The following PKIA variants were observed in gnomAD, a reference collection of about 807,000 sequenced individuals.
The protein encoded by PKIA is PKI-alpha.
In PKIA, 4 loss-of-function variants were observed where a neutral mutation model predicts 7.6. The observed-to-expected ratio is 0.52, with a 90% CI of 0.26 to 1.20. The LOEUF is 1.20. Ranked by LOEUF, PKIA falls within the 50% of genes most tolerant of loss-of-function variation. PKIA has a pLI of 0.13. For missense variants in PKIA, 73 were observed against 86.2 expected (o/e 0.85, Z 0.61); for synonymous variants, 21 against 30.7 (o/e 0.68, Z 1.04).
chr8:78,559,162 T>C (rs1807223580), intron 1 of PKIA, among the ~76,000 whole-genome samples: 2 of 152,168 alleles, frequency 1.3e-5, no homozygotes, highest in Admixed American at 1.3e-4. Flanking sequence ...CCTCAGGTGA[T>C]CCACCCGCCT....
Position 78,598,514 on chromosome 8 carries a change from G to C in PKIA, c.130G>C (p.Gly44Arg), listed in dbSNP as rs1309067245. 1 of 1,610,126 alleles carries C rather than the reference G, an allele frequency of 6.2e-7. No homozygotes were observed. The highest frequency in any genetic ancestry group is 8.5e-7 in the Non-Finnish European group (1 of 1,177,538). ...NSNELALKLA[G>R]LDINKTEGEE... ...CAATGAATTAGCCTTGAAATTAGCA[G>C]GTCTTGATATCAACAAGACAGGTAA... Residue 44 changes from glycine to arginine, a missense_variant, in exon 3 of 4, where the codon GGT becomes CGT. Physicochemically the swap from Gly to Arg is moderately radical, Grantham distance 125 (BLOSUM62 -2). Transcript: ENST00000396418.
intron 2 of PKIA, among the ~76,000 whole-genome samples, chr8:78,591,966 G>T (rs1808108272): frequency 6.6e-6 from 1 of 152,022 alleles, no homozygotes; most frequent in South Asian, 2.1e-4. Context: ...TTGTAATTTT[G>T]GGGGGTGAAT....
intron 3 of PKIA, among the ~76,000 whole-genome samples, chr8:78,600,979 A>T (rs1039501835): frequency 6.6e-6 from 1 of 152,126 alleles, no homozygotes; most frequent in Admixed American, 6.6e-5. Flanking sequence ...TGGCTGCCTG[A>T]TAACAAAATA....
At chr8:78,553,212 T>C (rs772550302) in intron 1 of PKIA, among the ~76,000 whole-genome samples, 1 of 151,870 alleles carries the variant, frequency 6.6e-6, no homozygotes, top group Non-Finnish European at 1.5e-5. Flanking sequence ...TTAGTAATAA[T>C]GGAAACAAAT....
At chr8:78,575,968 C>T (rs1807664873) in intron 2 of PKIA, among the ~76,000 whole-genome samples, 1 of 151,992 alleles carries the variant, frequency 6.6e-6, no homozygotes, top group South Asian at 2.1e-4. Context: ...CTCTCCTTTA[C>T]TTGAAGACTA....
At chr8:78,540,006 T>C (rs1806636109) in intron 1 of PKIA, among the ~76,000 whole-genome samples, 3 of 151,816 alleles carry the variant, frequency 2.0e-5, no homozygotes, top group Admixed American at 6.6e-5. Context: ...TCATAGTTCA[T>C]TGGGGTCAAG....
At chr8:78,566,521 A>G (rs553921480) in intron 1 of PKIA, among the ~76,000 whole-genome samples, 2 of 152,160 alleles carry the variant, frequency 1.3e-5, no homozygotes, top group East Asian at 1.9e-4. Flanking sequence ...AAAGTAATAC[A>G]AATGCCAGTA....
intron 1 of PKIA, among the ~76,000 whole-genome samples, chr8:78,548,675 CA>C (rs1806898036): frequency 6.6e-6 from 1 of 152,022 alleles, no homozygotes; most frequent in Admixed American, 6.6e-5. Context: ...TTTCTGGAGA[CA>C]AATAGGCCTG....
At chr8:78,523,980 TTATAAATATATATAAACATTTATA>T (rs1372950987) in intron 1 of PKIA, among the ~76,000 whole-genome samples, 2 of 88,428 alleles carry the variant, frequency 2.3e-5, no homozygotes, top group Admixed American at 1.2e-4. Flanking sequence ...ACATTTATAT[TTATAAATATATATAAACATTTATA>T]TATAAATATA....
intron 1 of PKIA, among the ~76,000 whole-genome samples, chr8:78,524,898 G>A (rs1352805889): frequency 2.0e-5 from 3 of 151,838 alleles, no homozygotes; most frequent in Non-Finnish European, 4.4e-5. Context: ...CAAAACATTA[G>A]TTGAACAACA....
At chr8:78,570,873 A>G (rs1395187164) in intron 1 of PKIA, among the ~76,000 whole-genome samples, 1 of 152,042 alleles carries the variant, frequency 6.6e-6, no homozygotes, top group Non-Finnish European at 1.5e-5. Flanking sequence ...CACATTACAC[A>G]TCCATCTCCA....
intron 1 of PKIA, among the ~76,000 whole-genome samples, chr8:78,562,599 C>T (rs905805486): frequency 2.0e-5 from 3 of 152,118 alleles, no homozygotes; most frequent in African/African-American, 7.2e-5. Flanking sequence ...CGTGGCTTTG[C>T]ATTTACTGAT....
At chr8:78,530,686 G>A (rs1252847400) in intron 1 of PKIA, among the ~76,000 whole-genome samples, 1 of 151,994 alleles carries the variant, frequency 6.6e-6, no homozygotes, top group East Asian at 1.9e-4. Context: ...ATGCTGACAT[G>A]AGATTGTATC....
intron 1 of PKIA, among the ~76,000 whole-genome samples, chr8:78,564,344 A>G (rs1167591978): frequency 6.6e-6 from 1 of 151,986 alleles, no homozygotes; most frequent in Non-Finnish European, 1.5e-5. Context: ...CTACCTAGGA[A>G]TAAGTTATGA....
At chr8:78,588,024 C>T (rs1164654126) in intron 2 of PKIA, among the ~76,000 whole-genome samples, 2 of 152,154 alleles carry the variant, frequency 1.3e-5, no homozygotes, top group African/African-American at 4.8e-5. Context: ...CTGTGCCATA[C>T]ATTGTAGTGG....
At chr8:78,547,878 T>A (rs1806872628) in intron 1 of PKIA, among the ~76,000 whole-genome samples, 1 of 152,020 alleles carries the variant, frequency 6.6e-6, no homozygotes, top group South Asian at 2.1e-4. Flanking sequence ...AAGCTCATCT[T>A]AGTTTTCTTA....
intron 1 of PKIA, among the ~76,000 whole-genome samples, chr8:78,521,178 T>C (rs539504878): frequency 5.3e-5 from 8 of 152,248 alleles, no homozygotes; most frequent in African/African-American, 1.2e-4. Context: ...TGGGAAAACA[T>C]TGCCAGCAGT....
chr8:78,541,369 A>G (rs1442459937), intron 1 of PKIA, among the ~76,000 whole-genome samples: 1 of 152,100 alleles, frequency 6.6e-6, no homozygotes, highest in African/African-American at 2.4e-5. Flanking sequence ...AGTATGAGGG[A>G]AATGAAAGGC....
chr8:78,561,772 A>G (rs1263008012), intron 1 of PKIA, among the ~76,000 whole-genome samples: 1 of 152,240 alleles, frequency 6.6e-6, no homozygotes, highest in Non-Finnish European at 1.5e-5. Context: ...TCAGGAAAAG[A>G]GGATAATAAA....
Sources: allele counts gnomAD v4.1 joint callset (sites outside exome capture counted in the v4.1 genomes callset), GRCh38; gene constraint gnomAD v4.1.1; transcripts MANE v1.5; gene names NCBI Gene and HGNC (gene_info 2026-07-23, HGNC 2026-07-21).